RIPOR2: variants seen among roughly 807,000 people sequenced by gnomAD.
RIPOR2 encodes the protein RHO family interacting cell polarization regulator 2.
Under a neutral mutation model 114.5 loss-of-function variants are expected in RIPOR2, and 39 were observed. That is an observed-to-expected ratio of 0.34 (90% CI 0.26 to 0.44). RIPOR2 has a LOEUF of 0.44. RIPOR2 is among the 20% of genes least tolerant of loss of function. The probability of loss-of-function intolerance (pLI) is 1.00; values close to 1 mark genes in which losing one functional copy is unlikely to be tolerated. For synonymous variants in RIPOR2, 445 were observed against 484.4 expected (o/e 0.92, Z 1.07); for missense variants, 1,007 against 1,255.1 (o/e 0.80, Z 2.99).
At chr6:24,928,242 A>G (rs1056128530) in intron 1 of RIPOR2, among the ~76,000 whole-genome samples, 1 of 152,174 alleles carries the variant, frequency 6.6e-6, no homozygotes, top group Non-Finnish European at 1.5e-5. Context: ...TTTTCCTAAT[A>G]TTTTAGTCAC....
At chr6:24,996,070 G>A (rs1775033929) in intron 1 of RIPOR2, among the ~76,000 whole-genome samples, 2 of 152,152 alleles carry the variant, frequency 1.3e-5, no homozygotes, top group African/African-American at 4.8e-5. Context: ...CCAAAGTGCT[G>A]GGATTATAGG....
At position 24,872,936 on chromosome 6, in the gene RIPOR2, G is replaced by T. The variant is rs145166802; in HGVS notation, c.368C>A (p.Thr123Lys). The T allele has an allele frequency of 3.1e-3, 5,062 of 1,611,346 alleles. 20 individuals are homozygous for T. Among genetic ancestry groups the T allele is most frequent in the Non-Finnish European group, 4.0e-3 (4,690 of 1,177,780 alleles). The part of the protein sequence containing the change: ...GLDEYLEVHQ[T>K]ELDKLTAQLK... ...CTGAGCTGTCAACTTGTCCAGCTCCGTCTGGTGAACCTCCAGATATTCACT... is the reference window on the plus strand; with the variant it reads ...CTGAGCTGTCAACTTGTCCAGCTCCTTCTGGTGAACCTCCAGATATTCACT... Residue 123 changes from threonine (T) to lysine (K), a missense_variant, in exon 4 of 22, where the codon ACG becomes AAG. Transcript: ENST00000643898.
At chr6:24,884,228 G>A (rs1766600694) in intron 1 of RIPOR2, among the ~76,000 whole-genome samples, 1 of 151,724 alleles carries the variant, frequency 6.6e-6, no homozygotes, top group African/African-American at 2.4e-5. Flanking sequence ...CTAACATGGT[G>A]AAACCCCCGC....
chr6:24,951,048 A>G (rs1772724334), intron 1 of RIPOR2, among the ~76,000 whole-genome samples: 1 of 152,206 alleles, frequency 6.6e-6, no homozygotes, highest in Non-Finnish European at 1.5e-5. Flanking sequence ...CATTTTAAAA[A>G]TCAATGACTT....
chr6:24,940,189 A>G (rs1166360107), upstream of RIPOR2, among the ~76,000 whole-genome samples: 1 of 152,186 alleles, frequency 6.6e-6, no homozygotes, highest in African/African-American at 2.4e-5. Flanking sequence ...TTATTAATTT[A>G]AAATATTTCT....
chr6:25,015,274 G>T (rs901612780), intron 1 of RIPOR2: 4 of 152,222 alleles, frequency 2.6e-5, no homozygotes, highest in Admixed American at 6.5e-5. Context: ...AAAATTGTCT[G>T]GCAAAGTCTG....
intron 1 of RIPOR2, among the ~76,000 whole-genome samples, chr6:24,965,715 T>C (rs1773498945): frequency 6.6e-6 from 1 of 152,132 alleles, no homozygotes; most frequent in Non-Finnish European, 1.5e-5. Context: ...TTATCGGAAA[T>C]AAAATCTAGA....
intron 7 of RIPOR2, among the ~76,000 whole-genome samples, chr6:24,863,957 A>C (rs1240976400): frequency 6.6e-6 from 1 of 152,164 alleles, no homozygotes; most frequent in East Asian, 1.9e-4. Context: ...CTGTATTTCA[A>C]TATATTTTCT....
intron 1 of RIPOR2, among the ~76,000 whole-genome samples, chr6:24,971,387 G>C (rs140226074): frequency 2.2e-3 from 333 of 152,350 alleles, no homozygotes; most frequent in Middle Eastern, 0.01. Flanking sequence ...TGGATATAGG[G>C]ATACAGGAAT....
chr6:24,942,133 G>A (rs984903204), intron 1 of RIPOR2, among the ~76,000 whole-genome samples: 3 of 152,148 alleles, frequency 2.0e-5, no homozygotes, highest in Admixed American at 1.3e-4. Context: ...TAGCACATAA[G>A]TCACTGGGTG....
intron 1 of RIPOR2, among the ~76,000 whole-genome samples, chr6:24,980,491 A>G (rs558305184): frequency 3.3e-5 from 5 of 152,338 alleles, no homozygotes; most frequent in African/African-American, 1.2e-4. Context: ...TGATGTGAAG[A>G]TAAGTTCATG....
chr6:24,825,096 C>T, intron 19 of RIPOR2, 130 bp downstream of exon 19: 1 of 704,924 alleles, frequency 1.4e-6, no homozygotes, highest in Admixed American at 3.0e-5. Flanking sequence ...GTTTTGATTG[C>T]TTTATGGAGC....
At chr6:24,968,956 C>T (rs1773653611) in intron 1 of RIPOR2, among the ~76,000 whole-genome samples, 2 of 152,196 alleles carry the variant, frequency 1.3e-5, no homozygotes, top group South Asian at 4.1e-4. Context: ...TCCTGGCTGC[C>T]TCTGTAGGTG....
intron 1 of RIPOR2, among the ~76,000 whole-genome samples, chr6:24,953,228 G>C (rs1445472267): frequency 1.3e-5 from 2 of 152,168 alleles, no homozygotes; most frequent in South Asian, 4.1e-4. Flanking sequence ...AGCTACTTGG[G>C]AGGCTGAGAC....
At chr6:25,020,222 A>T (rs1283346623) in intron 1 of RIPOR2, among the ~76,000 whole-genome samples, 2 of 152,250 alleles carry the variant, frequency 1.3e-5, no homozygotes, top group East Asian at 3.8e-4. Flanking sequence ...ATTTATAATA[A>T]ACAAGTAGAA....
At chr6:24,925,195 GACTC>G (rs1200700008) in intron 1 of RIPOR2, among the ~76,000 whole-genome samples, 1 of 152,240 alleles carries the variant, frequency 6.6e-6, no homozygotes, top group Non-Finnish European at 1.5e-5. Flanking sequence ...GAAAGCCACT[GACTC>G]ACTGTGTGCA....
At chr6:24,844,502 C>T (rs939719596) in intron 12 of RIPOR2, among the ~76,000 whole-genome samples, 9 of 150,530 alleles carry the variant, frequency 6.0e-5, no homozygotes, top group East Asian at 1.9e-4. Context: ...CAGAGTTTCC[C>T]TTTTGTTGCC....
At chr6:24,832,645 T>A (rs370731492) in intron 15 of RIPOR2, among the ~76,000 whole-genome samples, 3 of 152,358 alleles carry the variant, frequency 2.0e-5, no homozygotes, top group East Asian at 1.9e-4. Flanking sequence ...ACAAGGTTAT[T>A]ATAAAGCTGC....
intron 1 of RIPOR2, among the ~76,000 whole-genome samples, chr6:24,964,948 C>T (rs537868847): frequency 6.6e-6 from 1 of 151,926 alleles, no homozygotes; most frequent in Admixed American, 6.6e-5. Context: ...TGGTGAAGTA[C>T]CTGTTTAAAT....
Sources: allele counts gnomAD v4.1 joint callset (sites outside exome capture counted in the v4.1 genomes callset), GRCh38; gene constraint gnomAD v4.1.1; transcripts MANE v1.5; gene names NCBI Gene and HGNC (gene_info 2026-07-23, HGNC 2026-07-21).